The following AFG1L variants were observed in gnomAD, a reference collection of about 807,000 sequenced individuals.
AFG1L encodes AFG1-like ATPase.
AFG1L carries 53 observed loss-of-function variants against 62.2 expected under a neutral mutation model. That is an observed-to-expected ratio of 0.85 (90% CI 0.68 to 1.07). AFG1L has a LOEUF of 1.07. Ranked by LOEUF, AFG1L falls within the 50% of genes least tolerant of loss-of-function variation. The probability of loss-of-function intolerance (pLI) is 0.00; values close to 1 mark genes in which losing one functional copy is unlikely to be tolerated. For synonymous variants in AFG1L, 228 were observed against 210.3 expected, an observed-to-expected ratio of 1.08 and a Z score of -0.73; for missense variants, 555 against 590.5, an observed-to-expected ratio of 0.94 and a Z score of 0.62.
chr6:108,388,462 T>G (rs1260695083), intron 6 of AFG1L, among the ~76,000 whole-genome samples: 1 of 152,126 alleles, frequency 6.6e-6, no homozygotes, highest in Non-Finnish European at 1.5e-5. Flanking sequence ...CTTTTAATTG[T>G]GATGTTAGGG....
intron 8 of AFG1L, among the ~76,000 whole-genome samples, chr6:108,476,009 G>A (rs765463282): frequency 6.6e-6 from 1 of 152,076 alleles, no homozygotes; most frequent in East Asian, 1.9e-4. Context: ...ACCTGTAAAA[G>A]TTTGTATGTG....
At chr6:108,408,704 C>T (rs1014484712) in intron 7 of AFG1L, among the ~76,000 whole-genome samples, 2 of 152,128 alleles carry the variant, frequency 1.3e-5, no homozygotes, top group South Asian at 4.1e-4. Context: ...CATGTTTTGT[C>T]CAGTGTTTTA....
chr6:108,382,552 G>A (rs1303554086), intron 6 of AFG1L, among the ~76,000 whole-genome samples: 2 of 152,148 alleles, frequency 1.3e-5, no homozygotes, highest in East Asian at 3.9e-4. Context: ...TCACCTTAAA[G>A]GCCGACAAAG....
chr6:108,490,177 G>A (rs1773721035), intron 10 of AFG1L, among the ~76,000 whole-genome samples: 1 of 152,162 alleles, frequency 6.6e-6, no homozygotes, highest in Non-Finnish European at 1.5e-5. Flanking sequence ...TGGTCAACAT[G>A]GTAAAACCCC....
chr6:108,322,830 A>G (rs1409021642), intron 1 of AFG1L, among the ~76,000 whole-genome samples: 2 of 152,190 alleles, frequency 1.3e-5, no homozygotes, highest in East Asian at 1.9e-4. Context: ...TGTTGCTTCT[A>G]AACAGTAGAG....
At chr6:108,355,549 C>A in intron 3 of AFG1L, 105 bp from the exon 4 acceptor site, 1 of 540,432 alleles carries the variant, frequency 1.9e-6, no homozygotes, top group Non-Finnish European at 3.1e-6. Flanking sequence ...CTTCAGCTTC[C>A]TAGCGGAAGA....
At chr6:108,345,169 A>T (rs1778818241) in intron 2 of AFG1L, among the ~76,000 whole-genome samples, 1 of 152,122 alleles carries the variant, frequency 6.6e-6, no homozygotes. Flanking sequence ...TCTTTTTTGT[A>T]AAAATGGTGT....
chr6:108,368,667 A>G (rs755711338), intron 6 of AFG1L, among the ~76,000 whole-genome samples: 13 of 152,210 alleles, frequency 8.5e-5, no homozygotes, highest in Non-Finnish European at 1.6e-4. Flanking sequence ...TGGCATCAGT[A>G]TTACCTTTAG....
intron 6 of AFG1L, chr6:108,373,026 T>C (rs1049330653): frequency 6.6e-6 from 1 of 152,232 alleles, no homozygotes; most frequent in African/African-American, 2.4e-5. Flanking sequence ...TTTTTGTTTT[T>C]TACTTTTTTA....
At chr6:108,430,652 T>C (rs935226683) in intron 7 of AFG1L, among the ~76,000 whole-genome samples, 9 of 152,232 alleles carry the variant, frequency 5.9e-5, no homozygotes, top group African/African-American at 1.9e-4. Context: ...TAAAGAATCT[T>C]ATCTTTAAAG....
At chr6:108,430,361 T>G (rs1468837292) in intron 7 of AFG1L, among the ~76,000 whole-genome samples, 1 of 152,244 alleles carries the variant, frequency 6.6e-6, no homozygotes, top group East Asian at 1.9e-4. Context: ...TTTTATTGGG[T>G]GTTGCTTATA....
chr6:108,482,889 G>A (rs987664799), intron 10 of AFG1L, among the ~76,000 whole-genome samples: 1 of 152,072 alleles, frequency 6.6e-6, no homozygotes, highest in African/African-American at 2.4e-5. Context: ...GATAATGTTT[G>A]TCAGGTTTTT....
chr6:108,366,346 T>C lies in AFG1L; in HGVS notation c.748+14T>C, dbSNP rs2114498782. On this transcript the variant is annotated intron_variant, in intron 6 of 12. Coordinates refer to ENST00000368977, the MANE Select transcript of AFG1L (RefSeq NM_145315.5). Reference sequence around the variant, plus strand: ...GGCCACCGGAAGGTAAAAACAAACATTGTGCTAGTCTCATCCAATTAGGTG... The same window carrying C: ...GGCCACCGGAAGGTAAAAACAAACACTGTGCTAGTCTCATCCAATTAGGTG... 1.9e-6 allele frequency: 3 copies of C among 1,561,746 alleles called. No homozygotes were observed. Among genetic ancestry groups the C allele is most frequent in the South Asian group, 1.1e-5 (1 of 89,536 alleles).
chr6:108,309,623 CT>C (rs1486215605), intron 1 of AFG1L, among the ~76,000 whole-genome samples: 3 of 152,080 alleles, frequency 2.0e-5, no homozygotes, highest in Non-Finnish European at 2.9e-5. Flanking sequence ...TATTGGAAAA[CT>C]TTTAAATATT....
chr6:108,486,324 A>G (rs1238856665), intron 10 of AFG1L, among the ~76,000 whole-genome samples: 1 of 152,132 alleles, frequency 6.6e-6, no homozygotes, highest in African/African-American at 2.4e-5. Context: ...ATGATTTGCC[A>G]TTTTCCATAG....
At chr6:108,520,437 G>C (rs1038220427) in intron 12 of AFG1L, 2 of 152,170 alleles carry the variant, frequency 1.3e-5, no homozygotes, top group African/African-American at 2.4e-5. Flanking sequence ...ATTCACCCCA[G>C]GCCAACTAGA....
At chr6:108,434,770 C>G (rs1419761725) in intron 7 of AFG1L, among the ~76,000 whole-genome samples, 1 of 152,202 alleles carries the variant, frequency 6.6e-6, no homozygotes, top group African/African-American at 2.4e-5. Context: ...TTGGGCCACT[C>G]TTAGAATACA....
intron 6 of AFG1L, among the ~76,000 whole-genome samples, chr6:108,377,899 C>G (rs1303036490): frequency 6.6e-6 from 1 of 151,416 alleles, no homozygotes; most frequent in Non-Finnish European, 1.5e-5. Flanking sequence ...ATTATTGCCT[C>G]AAATATATTT....
At chr6:108,439,688 T>C (rs1003167265) in intron 7 of AFG1L, among the ~76,000 whole-genome samples, 1 of 152,172 alleles carries the variant, frequency 6.6e-6, no homozygotes, top group Non-Finnish European at 1.5e-5. Flanking sequence ...TTTGTATACT[T>C]TCCTGTATTA....
Sources: allele counts gnomAD v4.1 joint callset (sites outside exome capture counted in the v4.1 genomes callset), GRCh38; gene constraint gnomAD v4.1.1; transcripts MANE v1.5; gene names NCBI Gene and HGNC (gene_info 2026-07-23, HGNC 2026-07-21).